CWC22: variants seen among roughly 807,000 people sequenced by gnomAD.
CWC22 encodes the protein CWC22 spliceosome associated protein.
Under a neutral mutation model 117.2 loss-of-function variants are expected in CWC22, and 53 were observed. That is an observed-to-expected ratio of 0.45 (90% confidence interval 0.36 to 0.57). CWC22 has a LOEUF of 0.57. Ranked by LOEUF, CWC22 falls within the 20% of genes least tolerant of loss-of-function variation. The probability of loss-of-function intolerance (pLI) is 0.00; values close to 1 mark genes in which losing one functional copy is unlikely to be tolerated. For synonymous variants in CWC22, 360 were observed against 355.6 expected (o/e 1.01, Z -0.14); for missense variants, 980 against 1,068.8 (o/e 0.92, Z 1.16).
chr2:180,001,476 G>A (rs1687849833), intron 1 of CWC22, among the ~76,000 whole-genome samples: 2 of 151,996 alleles, frequency 1.3e-5, no homozygotes, highest in South Asian at 2.1e-4. Context: ...TTACAGGTGC[G>A]CACCACCATG....
intron 1 of CWC22, among the ~76,000 whole-genome samples, chr2:179,999,370 C>T (rs1687789180): frequency 6.6e-6 from 1 of 152,138 alleles, no homozygotes; most frequent in African/African-American, 2.4e-5. Context: ...AACAAAACCA[C>T]ACCTGTTCTC....
intron 5 of CWC22, 83 bp from the exon 6 acceptor site, chr2:179,978,401 C>T: frequency 7.8e-7 from 1 of 1,285,726 alleles, no homozygotes; most frequent in Admixed American, 4.0e-5. Flanking sequence ...ACATAGTGCT[C>T]CTTAATTTTT....
chr2:179,967,312 C>T (rs574962527), intron 11 of CWC22, among the ~76,000 whole-genome samples: 24 of 152,312 alleles, frequency 1.6e-4, no homozygotes, highest in Non-Finnish European at 3.2e-4. Flanking sequence ...CTTCTCATCT[C>T]TCCACTTTAG....
chr2:179,946,448 C>G (rs1559282468), intron 19 of CWC22, among the ~76,000 whole-genome samples: 1 of 35,344 alleles, frequency 2.8e-5, no homozygotes, highest in African/African-American at 1.7e-4. Context: ...GGGACTCTGT[C>G]CAAAAAAAAA....
chr2:179,978,057 C>T, intron 6 of CWC22, 133 bp downstream of exon 6: 1 of 1,103,866 alleles, frequency 9.1e-7, no homozygotes, highest in Non-Finnish European at 1.2e-6. Flanking sequence ...ATAAGTCCTG[C>T]ATTTTAAATA....
chr2:179,945,961 C>T (rs531899909), intron 19 of CWC22, among the ~76,000 whole-genome samples: 1 of 152,262 alleles, frequency 6.6e-6, no homozygotes, highest in South Asian at 2.1e-4. Context: ...CGGCTCACTG[C>T]AACCTCCGCC....
At chr2:179,985,047 T>C (rs1169478471) in intron 4 of CWC22, among the ~76,000 whole-genome samples, 1 of 152,014 alleles carries the variant, frequency 6.6e-6, no homozygotes, top group Non-Finnish European at 1.5e-5. Flanking sequence ...AAGATACATG[T>C]TATCATCCTC....
At chr2:179,946,261 G>A (rs1686295797) in intron 19 of CWC22, among the ~76,000 whole-genome samples, 1 of 151,856 alleles carries the variant, frequency 6.6e-6, no homozygotes, top group African/African-American at 2.4e-5. Context: ...ACCAGCCTGG[G>A]TAACGTAGCG....
At chr2:179,962,313 A>G (rs2105518702) in intron 13 of CWC22, among the ~76,000 whole-genome samples, 1 of 152,274 alleles carries the variant, frequency 6.6e-6, no homozygotes, top group African/African-American at 2.4e-5. Context: ...AAGATTTTCA[A>G]AAGTGGACTG....
intron 13 of CWC22, among the ~76,000 whole-genome samples, chr2:179,961,643 AC>A (rs1008464310): frequency 1.6e-4 from 25 of 152,088 alleles, no homozygotes; most frequent in African/African-American, 6.0e-4. Context: ...TTTCTGAAAA[AC>A]AGTCGAGTAG....
intron 10 of CWC22, 43 bp from the exon 11 acceptor site, chr2:179,970,606 A>G (rs1465815225): frequency 1.9e-6 from 3 of 1,581,748 alleles, no homozygotes; most frequent in Admixed American, 1.8e-5. Context: ...CTATATTTAC[A>G]TTTGTTGGTA....
intron 1 of CWC22, among the ~76,000 whole-genome samples, chr2:179,998,328 G>A (rs562354211): frequency 6.6e-6 from 1 of 151,936 alleles, no homozygotes; most frequent in Non-Finnish European, 1.5e-5. Context: ...TTTTAAACTT[G>A]AGAAATTATG....
rs1688004338 is a variant in CWC22, at chr2:180,007,168, C to T, written c.-415G>A. On this transcript the variant is annotated 5_prime_UTR_variant, in exon 1 of 20. Coordinates refer to ENST00000410053, the MANE Select transcript of CWC22 (RefSeq NM_020943.3). The stretch of plus-strand genomic sequence containing the variant: ...AGGCGAATAGTGAAATATTTAAAAA[C>T]TTGACGCTCAATTGGCTTGACACGT... The T allele has an allele frequency of 6.6e-6, 1 of 152,250 alleles. No homozygotes were observed. The highest frequency in any genetic ancestry group is 2.4e-5 in the African/African-American group (1 of 41,466). The allele number at this position is 152,250 out of a possible 1,614,324, so 9.4% of individuals were successfully genotyped here. A position where few individuals can be genotyped will look rare whatever the true frequency, so the allele number is the denominator to read the frequency against.
chr2:179,962,055 C>A (rs747710383), intron 13 of CWC22, among the ~76,000 whole-genome samples: 1 of 152,060 alleles, frequency 6.6e-6, no homozygotes, highest in Non-Finnish European at 1.5e-5. Context: ...CCATCTCCCA[C>A]TGATGTTACA....
Position 179,991,988 on chromosome 2 carries a change from G to T in CWC22, c.27+1327C>A, listed in dbSNP as rs545930674. ...TTGACAGAGGTTGGAAAAGATTGCA[G>T]CAGAGGCTGCCTTACTCTACAAGTC... On this transcript the variant is annotated intron_variant, in intron 2 of 19. Coordinates refer to ENST00000410053, the MANE Select transcript of CWC22 (RefSeq NM_020943.3). Among the ~76,000 whole-genome samples the T allele has an allele frequency of 2.0e-5, 3 of 152,316 alleles. No homozygotes were observed. In the South Asian group the frequency reaches 6.2e-4, roughly 32 times the overall value.
chr2:179,984,298 T>C (rs146391040), intron 4 of CWC22, among the ~76,000 whole-genome samples: 1 of 152,180 alleles, frequency 6.6e-6, no homozygotes, highest in East Asian at 1.9e-4. Context: ...AAATAGTATC[T>C]AGTTTCTAAG....
chr2:179,948,831 A>T (rs943003931), intron 19 of CWC22, among the ~76,000 whole-genome samples: 2 of 152,206 alleles, frequency 1.3e-5, no homozygotes, highest in African/African-American at 4.8e-5. Context: ...TCCTGAAATA[A>T]GAAAAACGAC....
chr2:179,960,088 C>T (rs1251878535), intron 13 of CWC22, among the ~76,000 whole-genome samples: 1 of 152,012 alleles, frequency 6.6e-6, no homozygotes, highest in African/African-American at 2.4e-5. Context: ...TAATGCTTAT[C>T]GAATGTTTTC....
chr2:180,005,448 G>A (rs946632136), intron 1 of CWC22, among the ~76,000 whole-genome samples: 1 of 152,082 alleles, frequency 6.6e-6, no homozygotes, highest in Non-Finnish European at 1.5e-5. Flanking sequence ...GTGGTGGCGG[G>A]CACCTTAGTC....
Sources: allele counts gnomAD v4.1 joint callset (sites outside exome capture counted in the v4.1 genomes callset), GRCh38; gene constraint gnomAD v4.1.1; transcripts MANE v1.5; gene names NCBI Gene and HGNC (gene_info 2026-07-23, HGNC 2026-07-21).